The following ROBO1 variants were observed in gnomAD, a reference collection of about 807,000 sequenced individuals.
ROBO1 encodes the protein roundabout homolog 1.
In ROBO1, 149 loss-of-function variants were observed where a neutral mutation model predicts 195.9. The ratio of observed to expected loss-of-function variants is 0.76; its 90% CI spans 0.67 to 0.87. The LOEUF is 0.87. ROBO1 is among the 40% of genes least tolerant of loss of function. The probability of loss-of-function intolerance (pLI) is 0.00; values close to 1 mark genes in which losing one functional copy is unlikely to be tolerated. For synonymous variants in ROBO1, 816 were observed against 733.2 expected, an observed-to-expected ratio of 1.11 and a Z score of -1.82; for missense variants, 1,933 against 2,068.3, an observed-to-expected ratio of 0.93 and a Z score of 1.27.
chr3:78,627,098 A>C (rs910955075), intron 26 of ROBO1, among the ~76,000 whole-genome samples: 7 of 152,176 alleles, frequency 4.6e-5, no homozygotes, highest in African/African-American at 1.4e-4. Flanking sequence ...GTGAGTATTA[A>C]TACACATTAT....
intron 4 of ROBO1, among the ~76,000 whole-genome samples, chr3:78,816,745 G>C (rs926236695): frequency 1.3e-5 from 2 of 152,184 alleles, no homozygotes; most frequent in African/African-American, 2.4e-5. Flanking sequence ...AAGAGAAGTA[G>C]AATTACAAGT....
intron 4 of ROBO1, among the ~76,000 whole-genome samples, chr3:78,876,828 T>C (rs1467263372): frequency 2.0e-5 from 3 of 152,118 alleles, no homozygotes; most frequent in African/African-American, 4.8e-5. Context: ...CAAGAATAGA[T>C]ACGTGAAGAC....
chr3:79,278,593 G>C (rs979154141), intron 2 of ROBO1, among the ~76,000 whole-genome samples: 1 of 152,098 alleles, frequency 6.6e-6, no homozygotes, highest in Non-Finnish European at 1.5e-5. Context: ...CTGGAGAAAG[G>C]GTAGTCTTTT....
At chr3:79,535,771 T>A (rs1941833962) in intron 2 of ROBO1, among the ~76,000 whole-genome samples, 1 of 106,104 alleles carries the variant, frequency 9.4e-6, no homozygotes, top group South Asian at 2.7e-4. Flanking sequence ...GTGGCAAAAA[T>A]CTTTGACCAT....
At chr3:78,641,851 T>C (rs1008945906) in intron 21 of ROBO1, among the ~76,000 whole-genome samples, 4 of 152,222 alleles carry the variant, frequency 2.6e-5, no homozygotes, top group African/African-American at 9.6e-5. Flanking sequence ...CCTTTTCATA[T>C]ATATGAGTGA....
At chr3:78,788,036 T>C (rs1042715671) in intron 4 of ROBO1, among the ~76,000 whole-genome samples, 6 of 145,792 alleles carry the variant, frequency 4.1e-5, no homozygotes, top group Non-Finnish European at 7.5e-5. Context: ...ACCTCCCGGG[T>C]TGACGCCATT....
intron 2 of ROBO1, among the ~76,000 whole-genome samples, chr3:79,308,503 G>C (rs1436284228): frequency 6.6e-6 from 1 of 152,118 alleles, no homozygotes; most frequent in Non-Finnish European, 1.5e-5. Context: ...GGATACCTAT[G>C]ATGTGCTTAG....
At chr3:79,107,375 G>A (rs1053484769) in intron 3 of ROBO1, among the ~76,000 whole-genome samples, 1 of 151,672 alleles carries the variant, frequency 6.6e-6, no homozygotes, top group Admixed American at 6.6e-5. Flanking sequence ...TAAAATTAAT[G>A]CTCAATTCAT....
At chr3:78,803,450 A>G (rs1399926228) in intron 4 of ROBO1, among the ~76,000 whole-genome samples, 2 of 152,154 alleles carry the variant, frequency 1.3e-5, no homozygotes, top group African/African-American at 4.8e-5. Context: ...TGAAAATATG[A>G]TAGATTTTTT....
At chr3:78,611,109 A>G (rs1019393253) in intron 28 of ROBO1, among the ~76,000 whole-genome samples, 1 of 152,208 alleles carries the variant, frequency 6.6e-6, no homozygotes, top group Non-Finnish European at 1.5e-5. Context: ...ATAACAGTAT[A>G]ATGCATGTAA....
chr3:79,615,591 A>T (rs1011496388), intron 1 of ROBO1, among the ~76,000 whole-genome samples: 1 of 152,184 alleles, frequency 6.6e-6, no homozygotes, highest in Non-Finnish European at 1.5e-5. Context: ...ATATAGATTA[A>T]TCAAAATAGC....
At chr3:79,225,145 A>T (rs2082202839) in intron 2 of ROBO1, among the ~76,000 whole-genome samples, 1 of 152,126 alleles carries the variant, frequency 6.6e-6, no homozygotes, top group South Asian at 2.1e-4. Context: ...TTTAAATAAA[A>T]ACTACATTTA....
At chr3:79,497,419 T>A (rs1157726398) in intron 2 of ROBO1, among the ~76,000 whole-genome samples, 2 of 152,182 alleles carry the variant, frequency 1.3e-5, no homozygotes, top group African/African-American at 4.8e-5. Context: ...ACATATAAAA[T>A]AATATCTTTT....
chr3:79,053,444 T>C (rs2078742493), intron 3 of ROBO1, among the ~76,000 whole-genome samples: 1 of 152,046 alleles, frequency 6.6e-6, no homozygotes, highest in South Asian at 2.1e-4. Flanking sequence ...ATATATATGC[T>C]AATTCTTCTC....
At chr3:79,726,179 G>A (rs6548649) in intron 1 of ROBO1, among the ~76,000 whole-genome samples, 134,413 of 152,254 alleles carry the variant, frequency 0.88, 59,391 homozygotes, top group Middle Eastern at 0.95. Context: ...AAAGAAGTTA[G>A]TTCACTATAG....
At chr3:79,401,587 G>A (rs1216251757) in intron 2 of ROBO1, among the ~76,000 whole-genome samples, 2 of 151,780 alleles carry the variant, frequency 1.3e-5, no homozygotes, top group Non-Finnish European at 2.9e-5. Context: ...GTTTTTGAAA[G>A]AGTTTAAGTG....
intron 2 of ROBO1, among the ~76,000 whole-genome samples, chr3:79,490,659 C>A (rs553118454): frequency 5.9e-5 from 9 of 152,298 alleles, no homozygotes; most frequent in Non-Finnish European, 1.0e-4. Flanking sequence ...GCAGGCCTCC[C>A]AGGAGAAAGT....
intron 1 of ROBO1, among the ~76,000 whole-genome samples, chr3:79,739,927 C>T (rs1382059230): frequency 6.6e-6 from 1 of 152,056 alleles, no homozygotes. Flanking sequence ...AAATTATCTT[C>T]ATGTATTAGA....
intron 2 of ROBO1, among the ~76,000 whole-genome samples, chr3:79,234,369 C>T (rs567935488): frequency 3.5e-4 from 54 of 152,116 alleles, no homozygotes; most frequent in East Asian, 7.7e-4. Flanking sequence ...TTGCATATAG[C>T]GAAAGATAGG....
Sources: gnomAD v4.1 joint callset for allele counts (sites outside exome capture counted in the v4.1 genomes callset) on GRCh38, gnomAD v4.1.1 for gene constraint, MANE v1.5 for transcripts, NCBI Gene and HGNC (gene_info 2026-07-23, HGNC 2026-07-21) for gene names.